The following THBS3 variants were observed in gnomAD, a reference collection of about 807,000 sequenced individuals.
The protein encoded by THBS3 is thrombospondin 3, also known as thrombospondin-3.
THBS3 carries 78 observed loss-of-function variants against 118.3 expected under a neutral mutation model. That is an observed-to-expected ratio of 0.66 (90% CI 0.55 to 0.80). The LOEUF (loss-of-function observed/expected upper bound fraction) is 0.80, where lower values mean the gene tolerates loss of function less well. Ranked by LOEUF, THBS3 falls within the 30% of genes least tolerant of loss-of-function variation. The probability of loss-of-function intolerance (pLI) is 0.00; values close to 1 mark genes in which losing one functional copy is unlikely to be tolerated. For missense variants in THBS3, 1,057 were observed against 1,247.4 expected (o/e 0.85, Z 2.30); for synonymous variants, 427 against 475.3 (o/e 0.90, Z 1.32).
At position 155,206,551 on chromosome 1, in the gene THBS3, G is replaced by C. The variant is rs1670571470; in HGVS notation, c.80-145C>G. ...AACCCTTGGCTGGGCATGGTGGCTC[G>C]CACCTGTAATCCCAACACCTTGGGA... On this transcript the variant is annotated intron_variant, in intron 1 of 22. Coordinates refer to ENST00000368378, the MANE Select transcript of THBS3 (RefSeq NM_007112.5). The surrounding 1 kb of genome is among the most constrained non-coding windows in gnomAD (Gnocchi z 4.2). 1 of 709,898 alleles carries C rather than the reference G, an allele frequency of 1.4e-6. No individual in the cohort carries two copies. Among genetic ancestry groups the C allele is most frequent in the Non-Finnish European group, 2.4e-6 (1 of 418,328 alleles). The allele number at this position is 709,898 out of a possible 1,614,324, so 44.0% of individuals were successfully genotyped here.
chr1:155,202,422 C>T lies in THBS3; in HGVS notation c.958-21G>A, dbSNP rs372570404. 7.4e-6 allele frequency: 12 copies of T among 1,612,112 alleles called. No homozygotes were observed. Among genetic ancestry groups the T allele is most frequent in the Non-Finnish European group, 8.5e-6 (10 of 1,179,336 alleles). On this transcript the variant is annotated intron_variant, in intron 8 of 22. Coordinates refer to ENST00000368378, the MANE Select transcript of THBS3 (RefSeq NM_007112.5). The surrounding 1 kb of genome is among the most constrained non-coding windows in gnomAD (Gnocchi z 5.5). Reference sequence around the variant, plus strand: ...GCACACTGGGGACCAGATGAGAAGGCAGAGGTCAGGCCGCCCTCTGGGAAA... The same window carrying T: ...GCACACTGGGGACCAGATGAGAAGGTAGAGGTCAGGCCGCCCTCTGGGAAA...
chr1:155,197,071 A>T lies in THBS3; in HGVS notation c.2642T>A (p.Leu881His). 1 of 1,614,068 alleles carries T rather than the reference A, an allele frequency of 6.2e-7. No homozygotes were observed. The highest frequency in any genetic ancestry group is 8.5e-7 in the Non-Finnish European group (1 of 1,179,986). Residue 881 changes from leucine (L) to histidine (H), a missense_variant, in exon 21 of 23, where the codon CTT becomes CAT. Coordinates refer to ENST00000368378, the MANE Select transcript of THBS3 (RefSeq NM_007112.5). This position sits in a 1 kb window ranked among gnomAD's most constrained non-coding sequence, Gnocchi z 5.0. ...GTAGCCAACTTGAGGCCGGTGCAGA[A>T]GCTGCCAGCGATAGGAGGTCTTGTC... ...WRDKTSYRWQ[L>H]LHRPQVGYIR...
At position 155,195,876 on chromosome 1, in the gene THBS3, GCTCAAAGTC is replaced by G; in HGVS notation, c.2827_2835del (p.Asp943_Glu945del). On this transcript the variant is annotated inframe_deletion, in exon 23 of 23. Transcript: ENST00000368378. ...CCCTGGAGCAGCTGCCTCCGGAATG[GCTCAAAGTC>G]CTCAGGCACTGTGTCTGAAGAAGGG... 1 of 1,614,106 alleles carries G rather than the reference GCTCAAAGTC, an allele frequency of 6.2e-7. No homozygotes were observed. Among genetic ancestry groups the G allele is most frequent in the Non-Finnish European group, 8.5e-7 (1 of 1,180,006 alleles).
intron 12 of THBS3, 30 bp from the exon 13 acceptor site, chr1:155,201,034 T>C (rs750397207): frequency 1.4e-5 from 22 of 1,614,056 alleles, no homozygotes; most frequent in African/African-American, 2.7e-5. Flanking sequence ...GATGGATGAG[T>C]TCTGGCCTGA....
At chr1:155,198,760 G>A in intron 16 of THBS3, 158 bp from the exon 17 acceptor site, 1 of 639,780 alleles carries the variant, frequency 1.6e-6, no homozygotes, top group Non-Finnish European at 2.7e-6. Context: ...ATGGAGGGAT[G>A]ACTGTAAGAA....
At chr1:155,207,651 CA>C (rs1670749293) in intron 1 of THBS3, 146 bp downstream of exon 1, 2 of 803,992 alleles carry the variant, frequency 2.5e-6, no homozygotes, top group Non-Finnish European at 2.0e-6. Context: ...GCCATAATTT[CA>C]CCAACTCTAG....
At position 155,204,929 on chromosome 1, in the gene THBS3, A is replaced by G. The variant is rs1041005580; in HGVS notation, c.572T>C (p.Leu191Pro). ...TCCTACCCGGGCCATGGACCCACCC[A>G]GAATAATTTTCATAGATTCCACAAA... ...QGFVESMKII[L>P]GGSMARVGAL... The change falls in exon 4 of 23, where the codon CTG becomes CCG. Residue 191 changes from leucine to proline, a missense_variant. Physicochemically the swap from Leu to Pro is moderately conservative, Grantham distance 98 (BLOSUM62 -3). Transcript: ENST00000368378. The G allele has an allele frequency of 6.2e-7, 1 of 1,614,006 alleles. No homozygotes were observed. The highest frequency in any genetic ancestry group is 8.5e-7 in the Non-Finnish European group (1 of 1,180,034).
chr1:155,201,625 G>A, intron 10 of THBS3, 56 bp from the exon 11 acceptor site: 1 of 1,567,826 alleles, frequency 6.4e-7, no homozygotes, highest in Non-Finnish European at 8.7e-7. Context: ...AGGCACCCAG[G>A]ACCAGCACTG....
At position 155,197,468 on chromosome 1, in the gene THBS3, G is replaced by C; in HGVS notation, c.2494C>G (p.Leu832Val). The stretch of plus-strand genomic sequence containing the variant: ...GAATCTGAGCAGCTGGGGACCTTGA[G>C]CTGCAGCCCGGGCTGGGCAACCGCC... ...FRAVAQPGLQ[L>V]KAVTSVSGPG... The change falls in exon 20 of 23, where the codon CTC (leucine) becomes GTC (valine). Residue 832 changes from leucine (L) to valine (V), a missense_variant. Coordinates refer to ENST00000368378, the MANE Select transcript of THBS3 (RefSeq NM_007112.5). The surrounding 1 kb of genome is among the most constrained non-coding windows in gnomAD (Gnocchi z 5.0). 6.2e-7 allele frequency: 1 copy of C among 1,612,428 alleles called. No individual in the cohort carries two copies. Among genetic ancestry groups the C allele is most frequent in the Non-Finnish European group, 8.5e-7 (1 of 1,179,828 alleles).
chr1:155,208,950 CT>C (rs1670925263), upstream of THBS3: 1 of 1,609,836 alleles, frequency 6.2e-7, no homozygotes, highest in South Asian at 1.1e-5. Flanking sequence ...CCTGCCGCGC[CT>C]TCAGGGGTTC....
Position 155,206,885 on chromosome 1 carries a change from G to T in THBS3, c.80-479C>A, listed in dbSNP as rs765370693. 5.9e-5 allele frequency among the ~76,000 whole-genome samples: 9 copies of T among 152,038 alleles called. No homozygotes were observed. The highest frequency in any genetic ancestry group is 1.2e-4 in the Non-Finnish European group (8 of 68,016). ...ACAAAAAAAAACCTCAACCCTTGTTGCTCTCAGAGGACAGAGGCACTGTGC... is the reference window on the plus strand; with the variant it reads ...ACAAAAAAAAACCTCAACCCTTGTTTCTCTCAGAGGACAGAGGCACTGTGC... On this transcript the variant is annotated intron_variant, in intron 1 of 22. Transcript: ENST00000368378. The surrounding 1 kb of genome is among the most constrained non-coding windows in gnomAD (Gnocchi z 4.2).
chr1:155,202,525 G>A lies in THBS3; in HGVS notation c.958-124C>T. ...GCAGCTCTCCCCACACAACTGCCTT[G>A]TGCTCCTGGTCCCCACCCCACTTCC... is the stretch of plus-strand genomic sequence containing the variant. On this transcript the variant is annotated intron_variant, in intron 8 of 22. Transcript: ENST00000368378. The surrounding 1 kb of genome is among the most constrained non-coding windows in gnomAD (Gnocchi z 5.5). 7.3e-7 allele frequency: 1 copy of A among 1,378,016 alleles called. No individual in the cohort carries two copies. The highest frequency in any genetic ancestry group is 9.7e-7 in the Non-Finnish European group (1 of 1,026,782). 85.4% of individuals were successfully genotyped at this position (1,378,016 alleles called of 1,614,324 possible). A position where few individuals can be genotyped will look rare whatever the true frequency, so the allele number is the denominator to read the frequency against.
At chr1:155,205,797 G>A (rs1670460621) in intron 2 of THBS3, among the ~76,000 whole-genome samples, 1 of 152,186 alleles carries the variant, frequency 6.6e-6, no homozygotes, top group Non-Finnish European at 1.5e-5. Context: ...TTGGTTTAGA[G>A]ACAAATACTT....
At chr1:155,208,127 G>C (rs1483611940), upstream of THBS3, 7 of 560,536 alleles carry the variant, frequency 1.2e-5, no homozygotes, top group Non-Finnish European at 2.2e-5. Context: ...TCCCCCAGGT[G>C]CCTCCCTCTC....
chr1:155,207,931 C>T, upstream of THBS3: 6 of 1,578,516 alleles, frequency 3.8e-6, no homozygotes, highest in Admixed American at 1.7e-5. Context: ...GGGGAAAAGG[C>T]TAGGCGGAGA....
At position 155,206,312 on chromosome 1, in the gene THBS3, G is replaced by A. The variant is rs146410989; in HGVS notation, c.174C>T (p.Leu58=). 6.2e-7 allele frequency: 1 copy of A among 1,614,198 alleles called. No homozygotes were observed. Among genetic ancestry groups the A allele is most frequent in the Non-Finnish European group, 8.5e-7 (1 of 1,180,030 alleles). The change falls in exon 2 of 23, where the codon CTC becomes CTT. Residue 58 remains leucine (L), a synonymous_variant. Coordinates refer to ENST00000368378, the MANE Select transcript of THBS3 (RefSeq NM_007112.5). The surrounding 1 kb of genome is among the most constrained non-coding windows in gnomAD (Gnocchi z 4.2). ...TALLTAGDIY[L]LSTFRLPPKQ... is the part of the protein sequence containing the mutation. ...TGGGGGGCAGGCGGAAGGTGGATAA[G>A]AGGTAGATGTCCCCAGCAGTGAGCA... is the stretch of plus-strand genomic sequence containing the variant.
chr1:155,201,477 G>GTGGGC lies in THBS3; in HGVS notation c.1264_1268dup (p.His423GlnfsTer65). On this transcript the variant is annotated frameshift_variant, in exon 11 of 23. Coordinates refer to ENST00000368378, the MANE Select transcript of THBS3 (RefSeq NM_007112.5). LOFTEE classifies it high-confidence loss of function. The stretch of plus-strand genomic sequence containing the variant: ...AGTGAGCATGGATGTGGCAGGGGCT[G>GTGGGC]TGGGCTGGGCTGTGGCAGGTCCGGG... 1 of 1,613,862 alleles carries GTGGGC rather than the reference G, an allele frequency of 6.2e-7. No individual in the cohort carries two copies. The highest frequency in any genetic ancestry group is 8.5e-7 in the Non-Finnish European group (1 of 1,179,862).
intron 4 of THBS3, chr1:155,204,651 C>T: frequency 1.7e-6 from 1 of 578,346 alleles, no homozygotes; most frequent in Non-Finnish European, 3.1e-6. Flanking sequence ...TTAACCAATT[C>T]TTCTCTTAGA....
chr1:155,209,039 C>A, upstream of THBS3: 1 of 1,555,992 alleles, frequency 6.4e-7, no homozygotes, highest in South Asian at 1.2e-5. Context: ...CGTGGGCCAC[C>A]TCTGGATGGG....
Sources: allele counts gnomAD v4.1 joint callset (sites outside exome capture counted in the v4.1 genomes callset), GRCh38; gene constraint gnomAD v4.1.1; non-coding constraint Gnocchi (gnomAD v3.1); transcripts MANE v1.5; gene names NCBI Gene and HGNC (gene_info 2026-07-23, HGNC 2026-07-21).